Variants in API5 observed in about 807,000 individuals in gnomAD.
The protein encoded by API5 is FIF.
A neutral mutation model predicts 71.9 loss-of-function variants in API5; 6 were observed. The observed-to-expected ratio is 0.08, with a 90% CI of 0.05 to 0.16. API5 has a LOEUF of 0.16. Among genes scored for constraint, API5 ranks in the 10% least tolerant of loss-of-function variants. The probability of loss-of-function intolerance (pLI) is 1.00; values close to 1 mark genes in which losing one functional copy is unlikely to be tolerated. For missense variants in API5, 332 were observed against 612.8 expected, an observed-to-expected ratio of 0.54 and a Z score of 4.84; for synonymous variants, 189 against 221.3, an observed-to-expected ratio of 0.85 and a Z score of 1.30.
At chr11:43,315,759 ACTCTT>A (rs1854648494) in intron 1 of API5, among the ~76,000 whole-genome samples, 1 of 150,648 alleles carries the variant, frequency 6.6e-6, no homozygotes, top group South Asian at 2.1e-4. Flanking sequence ...TTCAGGTCTC[ACTCTT>A]CTCTTGTGTG....
At chr11:43,319,823 A>G (rs77722758) in intron 2 of API5, among the ~76,000 whole-genome samples, 1 of 152,240 alleles carries the variant, frequency 6.6e-6, no homozygotes, top group Non-Finnish European at 1.5e-5. Context: ...TGAAAATTCT[A>G]AAGTAAACAG....
Position 43,342,480 on chromosome 11 carries a change from AGGAAATCGTAGTCGG to A in API5, c.1550_1564del (p.Asn517_Gly521del). ...GAGGTGGCCGAGGTTGGGGCACACG[AGGAAATCGTAGTCGG>A]GGAAGACTCTACTGAATAAGACATC... On this transcript the variant is annotated inframe_deletion, in exon 14 of 14. Transcript: ENST00000531273. The A allele has an allele frequency of 6.2e-7, 1 of 1,613,022 alleles. No homozygotes were observed. Among genetic ancestry groups the A allele is most frequent in the Non-Finnish European group, 8.5e-7 (1 of 1,179,338 alleles).
chr11:43,320,087 C>T (rs1188536297), intron 2 of API5, among the ~76,000 whole-genome samples: 2 of 139,574 alleles, frequency 1.4e-5, no homozygotes, highest in East Asian at 4.3e-4. Context: ...ACTCTATTGG[C>T]CAGGCTGGAG....
intron 1 of API5, among the ~76,000 whole-genome samples, chr11:43,312,987 A>T (rs1010532974): frequency 6.6e-6 from 1 of 151,912 alleles, no homozygotes; most frequent in South Asian, 2.1e-4. Flanking sequence ...CGCGCTTGTA[A>T]TCCTAGCTAC....
intron 3 of API5, 51 bp from the exon 4 acceptor site, chr11:43,321,357 AGAT>A: frequency 4.3e-6 from 6 of 1,401,710 alleles, no homozygotes; most frequent in Middle Eastern, 1.8e-4. Flanking sequence ...AAACTGAAGC[AGAT>A]GATATTTTAA....
At chr11:43,319,210 A>G (rs906079047) in intron 2 of API5, among the ~76,000 whole-genome samples, 33 of 152,224 alleles carry the variant, frequency 2.2e-4, no homozygotes, top group African/African-American at 8.0e-4. Flanking sequence ...GCATGGCAGA[A>G]AAATGGTATG....
At position 43,312,063 on chromosome 11, in the gene API5, C is replaced by T. The variant is rs553588205; in HGVS notation, c.-65C>T. ...GCGGGTAGTGGGTTTGGAGAAGTTC[C>T]GAGGCGGCGGTGGCGCCGGTCAGGA... On this transcript the variant is annotated 5_prime_UTR_variant, in exon 1 of 14. Coordinates refer to ENST00000531273, the MANE Select transcript of API5 (RefSeq NM_001142930.2). 50 of 1,580,894 alleles carry T rather than the reference C, an allele frequency of 3.2e-5. No homozygotes were observed. In the East Asian group the frequency reaches 1.0e-3, roughly 33 times the overall value.
intron 2 of API5, among the ~76,000 whole-genome samples, chr11:43,320,279 C>T (rs929619263): frequency 2.6e-5 from 4 of 151,864 alleles, no homozygotes; most frequent in Non-Finnish European, 4.4e-5. Flanking sequence ...CTCCTGACCT[C>T]GTGATCCACC....
At position 43,322,129 on chromosome 11, in the gene API5, C is replaced by G; in HGVS notation, c.536C>G (p.Ser179Cys). 1 of 1,594,772 alleles carries G rather than the reference C, an allele frequency of 6.3e-7. No homozygotes were observed. Among genetic ancestry groups the G allele is most frequent in the Non-Finnish European group, 8.5e-7 (1 of 1,172,944 alleles). The change falls in exon 5 of 14, where the codon TCC becomes TGC. Residue 179 changes from serine (S) to cysteine (C), a missense_variant. Ser to Cys is a moderately radical substitution (Grantham distance 112, BLOSUM62 -1). Transcript: ENST00000531273. Reference protein sequence around the residue: ...KEVEELILTESKKVLEDVTGE... With the variant: ...KEVEELILTECKKVLEDVTGE... Reference sequence around the variant, plus strand: ...GTGGAAGAGCTTATACTAACTGAATCCAAAAAGGTGAGCTTTGGTCTTCAT... The same window carrying G: ...GTGGAAGAGCTTATACTAACTGAATGCAAAAAGGTGAGCTTTGGTCTTCAT...
chr11:43,318,323 T>A, intron 1 of API5: 1 of 1,214,516 alleles, frequency 8.2e-7, no homozygotes, highest in South Asian at 1.4e-5. Flanking sequence ...ACAAATTTTT[T>A]AAGCATGATA....
At chr11:43,316,360 G>A (rs1250172514) in intron 1 of API5, among the ~76,000 whole-genome samples, 1 of 144,498 alleles carries the variant, frequency 6.9e-6, no homozygotes, top group East Asian at 2.1e-4. Flanking sequence ...TTTTTTTCTT[G>A]GCAAAAGGAA....
Position 43,343,486 on chromosome 11 carries a change from A to G in API5, c.*976A>G, listed in dbSNP as rs934440138. On this transcript the variant is annotated 3_prime_UTR_variant, in exon 14 of 14. Coordinates refer to ENST00000531273, the MANE Select transcript of API5 (RefSeq NM_001142930.2). ...ACAACCAAAATACTGAATCTGATGTACATACAGGTTTCTACAGGAAGAGAT... is the reference window on the plus strand; with the variant it reads ...ACAACCAAAATACTGAATCTGATGTGCATACAGGTTTCTACAGGAAGAGAT... 1 of 152,634 alleles carries G rather than the reference A, an allele frequency of 6.6e-6. No individual in the cohort carries two copies. Among genetic ancestry groups the G allele is most frequent in the African/African-American group, 2.4e-5 (1 of 41,444 alleles). The allele number at this position is 152,634 out of a possible 1,614,324, so 9.5% of individuals were successfully genotyped here.
In API5 at chr11:43,312,069, G is replaced by T; in HGVS notation, c.-59G>T. 1 of 1,591,712 alleles carries T rather than the reference G, an allele frequency of 6.3e-7. No homozygotes were observed. Among genetic ancestry groups the T allele is most frequent in the Non-Finnish European group, 8.6e-7 (1 of 1,163,044 alleles). On this transcript the variant is annotated 5_prime_UTR_variant, in exon 1 of 14. Coordinates refer to ENST00000531273, the MANE Select transcript of API5 (RefSeq NM_001142930.2). The stretch of plus-strand genomic sequence containing the variant: ...AGTGGGTTTGGAGAAGTTCCGAGGC[G>T]GCGGTGGCGCCGGTCAGGACAAGGA...
intron 6 of API5, among the ~76,000 whole-genome samples, chr11:43,325,248 C>G (rs1399464532): frequency 6.6e-6 from 1 of 152,150 alleles, no homozygotes; most frequent in African/African-American, 2.4e-5. Flanking sequence ...ATCAGAGCAA[C>G]ATGAATTCTG....
Position 43,321,433 on chromosome 11 carries a change from A to G in API5, c.348A>G (p.Leu116=). The change falls in exon 4 of 14, where the codon CTA becomes CTG. Residue 116 remains leucine, a synonymous_variant. Transcript: ENST00000531273. ...CAGATGACTCTGCAGAATTTAACCTAGTGAACAATGCCCTATTAAGTATAT... is the reference window on the plus strand; with the variant it reads ...CAGATGACTCTGCAGAATTTAACCTGGTGAACAATGCCCTATTAAGTATAT... ...LQTDDSAEFN[L]VNNALLSIFK... 6.2e-7 allele frequency: 1 copy of G among 1,611,568 alleles called. No homozygotes were observed. The highest frequency in any genetic ancestry group is 8.5e-7 in the Non-Finnish European group (1 of 1,178,768).
At chr11:43,313,345 G>A (rs1426424180) in intron 1 of API5, among the ~76,000 whole-genome samples, 3 of 152,112 alleles carry the variant, frequency 2.0e-5, no homozygotes, top group Non-Finnish European at 4.4e-5. Context: ...CATTGAACTT[G>A]ATAAGTGGTT....
intron 2 of API5, 64 bp from the exon 3 acceptor site, chr11:43,320,755 GAA>G: frequency 7.9e-7 from 1 of 1,258,928 alleles, no homozygotes; most frequent in Non-Finnish European, 1.1e-6. Context: ...AGAAAGAAAA[GAA>G]AAAGCTGTTT....
intron 1 of API5, among the ~76,000 whole-genome samples, chr11:43,317,986 T>G (rs1408146440): frequency 2.1e-5 from 1 of 47,934 alleles, no homozygotes; most frequent in Non-Finnish European, 4.6e-5. Context: ...ATCATTACAA[T>G]TGTTTTGTTT....
At chr11:43,324,277 C>T (rs780949542) in intron 6 of API5, among the ~76,000 whole-genome samples, 2 of 152,202 alleles carry the variant, frequency 1.3e-5, no homozygotes, top group African/African-American at 4.8e-5. Flanking sequence ...CTTGGCCTCC[C>T]AAAGTGCTGG....
Sources: gnomAD v4.1 joint callset for allele counts (sites outside exome capture counted in the v4.1 genomes callset) on GRCh38, gnomAD v4.1.1 for gene constraint, MANE v1.5 for transcripts, NCBI Gene and HGNC (gene_info 2026-07-23, HGNC 2026-07-21) for gene names.